Variants in PARP6 observed in about 807,000 individuals in gnomAD.
PARP6 encodes the protein protein mono-ADP-ribosyltransferase PARP6.
In PARP6, 27 loss-of-function variants were observed where a neutral mutation model predicts 92.0. The ratio of observed to expected loss-of-function variants is 0.29; its 90% CI spans 0.22 to 0.40. The LOEUF (loss-of-function observed/expected upper bound fraction) is 0.40. PARP6 is among the 10% of genes least tolerant of loss of function. The probability of loss-of-function intolerance (pLI) is 1.00; values close to 1 mark genes in which losing one functional copy is unlikely to be tolerated. For missense variants in PARP6, 501 were observed against 784.5 expected (o/e 0.64, Z 4.32); for synonymous variants, 272 against 281.2 (o/e 0.97, Z 0.33).
intron 19 of PARP6, 51 bp downstream of exon 19, chr15:72,249,969 G>C (rs1422485861): frequency 8.3e-7 from 1 of 1,211,256 alleles, no homozygotes; most frequent in Non-Finnish European, 1.2e-6. Context: ...CCACAAAACT[G>C]AGTAGGGAAG....
chr15:72,264,445 C>T, intron 8 of PARP6, 110 bp downstream of exon 8: 1 of 795,132 alleles, frequency 1.3e-6, no homozygotes, highest in South Asian at 1.7e-5. Flanking sequence ...TTCAGAAAGA[C>T]ATTTTTGGAA....
Position 72,266,276 on chromosome 15 carries a change from T to G in PARP6, c.82-285A>C, listed in dbSNP as rs550378437. Among the ~76,000 whole-genome samples, 215 of 152,268 alleles carry G rather than the reference T, an allele frequency of 1.4e-3. 1 individual carries two copies. Among genetic ancestry groups the G allele is most frequent in the Non-Finnish European group, 2.5e-3 (170 of 68,020 alleles). Reference sequence around the variant, plus strand: ...AAATCTCCAGCTTTTCTCTCAGACCTTGACCAGGATACCTTCTATGACAAC... The same window carrying G: ...AAATCTCCAGCTTTTCTCTCAGACCGTGACCAGGATACCTTCTATGACAAC... On this transcript the variant is annotated intron_variant, in intron 4 of 23. Transcript: ENST00000569795.
At chr15:72,256,896 G>C (rs769932761) in intron 13 of PARP6, among the ~76,000 whole-genome samples, 2 of 151,802 alleles carry the variant, frequency 1.3e-5, no homozygotes, top group African/African-American at 4.8e-5. Flanking sequence ...CTTTTTTAAA[G>C]AGACAGGGGC....
In PARP6 at chr15:72,266,699, A is replaced by G. The variant is rs373561875; in HGVS notation, c.81+46T>C. ...TCCTGATGTATCCAAAAAGCAGCACATATCTAGACCATCCAACACGGGGGT... is the reference window on the plus strand; with the variant it reads ...TCCTGATGTATCCAAAAAGCAGCACGTATCTAGACCATCCAACACGGGGGT... On this transcript the variant is annotated intron_variant, in intron 4 of 23. Transcript: ENST00000569795. The G allele has an allele frequency of 7.1e-5, 99 of 1,385,366 alleles. No individual in the cohort carries two copies. The African/African-American group carries it at 1.1e-3, about 15-fold the overall frequency. The allele number at this position is 1,385,366 out of a possible 1,614,324, so 85.8% of individuals were successfully genotyped here. A position where few individuals can be genotyped will look rare whatever the true frequency, so the allele number is the denominator to read the frequency against.
intron 11 of PARP6, 115 bp from the exon 12 acceptor site, chr15:72,258,247 T>C (rs953031344): frequency 1.4e-6 from 1 of 736,588 alleles, no homozygotes; most frequent in Admixed American, 1.9e-5. Context: ...GTGCCTAAGG[T>C]AGGATATATT....
In PARP6 at chr15:72,261,548, G is replaced by A. The variant is rs2085894727; in HGVS notation, c.545+10C>T. On this transcript the variant is annotated intron_variant, in intron 9 of 23. Transcript: ENST00000569795. ...GTGTTTACAGATGATCAGCTTTAGG[G>A]AGCACTTACTTGGGGATGGGTGAAA... 6 of 1,613,464 alleles carry A rather than the reference G, an allele frequency of 3.7e-6. No individual in the cohort carries two copies. The highest frequency in any genetic ancestry group is 1.3e-5 in the African/African-American group (1 of 74,900).
At chr15:72,250,197 T>G in intron 18 of PARP6, 105 bp from the exon 19 acceptor site, 1 of 745,660 alleles carries the variant, frequency 1.3e-6, no homozygotes. Flanking sequence ...GACATGAAGA[T>G]GGACAGGTAC....
chr15:72,251,660 G>C (rs1418148659), intron 16 of PARP6, among the ~76,000 whole-genome samples: 2 of 152,224 alleles, frequency 1.3e-5, no homozygotes, highest in Admixed American at 1.3e-4. Flanking sequence ...TTTAGACTCA[G>C]ATTCAGACCT....
chr15:72,241,576 G>A lies in PARP6; in HGVS notation c.1791-19C>T. The stretch of plus-strand genomic sequence containing the variant: ...CTCATATCTGCCAAAGATAGGGCAA[G>A]TGTGAGCATAAGAGGGAGAACAATA... On this transcript the variant is annotated intron_variant, in intron 23 of 23. Coordinates refer to ENST00000569795, the MANE Select transcript of PARP6 (RefSeq NM_001323532.2). The surrounding 1 kb of genome is among the most constrained non-coding windows in gnomAD (Gnocchi z 4.1). 1.3e-6 allele frequency: 2 copies of A among 1,556,112 alleles called. No individual in the cohort carries two copies. The highest frequency in any genetic ancestry group is 8.9e-7 in the Non-Finnish European group (1 of 1,127,062).
chr15:72,249,697 T>G (rs531968563), intron 19 of PARP6, among the ~76,000 whole-genome samples: 1 of 152,138 alleles, frequency 6.6e-6, no homozygotes, highest in Non-Finnish European at 1.5e-5. Flanking sequence ...GTCTCCCATA[T>G]CTACTCCTTG....
At chr15:72,247,821 T>C (rs2083811884) in intron 20 of PARP6, among the ~76,000 whole-genome samples, 2 of 152,150 alleles carry the variant, frequency 1.3e-5, no homozygotes, top group South Asian at 2.1e-4. Flanking sequence ...CTTGCTTTGT[T>C]GTCTAGGCTG....
chr15:72,256,023 T>A (rs1481518994), intron 14 of PARP6, among the ~76,000 whole-genome samples: 1 of 151,580 alleles, frequency 6.6e-6, no homozygotes, highest in Non-Finnish European at 1.5e-5. Context: ...GGTCTCGATC[T>A]CCTGACCTTG....
At position 72,266,840 on chromosome 15, in the gene PARP6, G is replaced by A; in HGVS notation, c.4-18C>T. 2 of 1,595,556 alleles carry A rather than the reference G, an allele frequency of 1.3e-6. No individual in the cohort carries two copies. Among genetic ancestry groups the A allele is most frequent in the Non-Finnish European group, 1.7e-6 (2 of 1,163,208 alleles). ...TTGATGTCCTAGTGGTGAGAAATAA[G>A]GATATCATGCTTTGTTAGGTCCCTA... On this transcript the variant is annotated intron_variant, in intron 3 of 23. Coordinates refer to ENST00000569795, the MANE Select transcript of PARP6 (RefSeq NM_001323532.2).
At chr15:72,244,604 GAT>G (rs1422503813) in intron 20 of PARP6, 7 of 152,240 alleles carry the variant, frequency 4.6e-5, no homozygotes, top group African/African-American at 1.7e-4. Flanking sequence ...TTAGGCTAAA[GAT>G]AGTGTGAGAA....
intron 9 of PARP6, 90 bp downstream of exon 9, chr15:72,261,468 G>A (rs1370011848): frequency 6.1e-6 from 7 of 1,152,174 alleles, no homozygotes; most frequent in Admixed American, 1.8e-5. Flanking sequence ...TCAGGGAAGA[G>A]AGGGGATAGA....
At chr15:72,249,933 A>G in intron 19 of PARP6, 87 bp downstream of exon 19, 1 of 870,794 alleles carries the variant, frequency 1.1e-6, no homozygotes, top group East Asian at 2.5e-5. Flanking sequence ...CACTGAGGCA[A>G]AAACAGCTTA....
intron 8 of PARP6, among the ~76,000 whole-genome samples, chr15:72,263,740 G>A (rs2086193474): frequency 6.6e-6 from 1 of 152,198 alleles, no homozygotes; most frequent in Middle Eastern, 3.4e-3. Flanking sequence ...ACTAATCATT[G>A]GCTGGGTGCG....
At chr15:72,268,873 A>G (rs141088113) in intron 2 of PARP6, among the ~76,000 whole-genome samples, 1 of 152,320 alleles carries the variant, frequency 6.6e-6, no homozygotes, top group East Asian at 1.9e-4. Context: ...CCTTTCATAC[A>G]CAATTCCCTG....
At position 72,265,430 on chromosome 15, in the gene PARP6, T is replaced by C. The variant is rs2086453278; in HGVS notation, c.220A>G (p.Asn74Asp). ...IDDVDIDLHI[N>D]ISFLDEEVST... ...CCACTTACATCGAGGAAGCTGATGT[T>C]GATGTGGAGGTCAATGTCCACGTCA... The change falls in exon 6 of 24, where the codon AAC (asparagine) becomes GAC (aspartate). Residue 74 changes from asparagine (N) to aspartate (D), a missense_variant. Around this residue, in one of 4 missense-constraint regions of PARP6, gnomAD observed 291 missense variants for 352.0 expected, o/e 0.83. Coordinates refer to ENST00000569795, the MANE Select transcript of PARP6 (RefSeq NM_001323532.2). The C allele has an allele frequency of 5.0e-6, 8 of 1,613,808 alleles. No individual in the cohort carries two copies. Among genetic ancestry groups the C allele is most frequent in the Non-Finnish European group, 6.8e-6 (8 of 1,179,642 alleles).
Sources: gnomAD v4.1 joint callset for allele counts (sites outside exome capture counted in the v4.1 genomes callset) on GRCh38, gnomAD v4.1.1 for gene constraint, gnomAD v4.1.1 regional missense constraint, Gnocchi (gnomAD v3.1) non-coding constraint, MANE v1.5 for transcripts, NCBI Gene and HGNC (gene_info 2026-07-23, HGNC 2026-07-21) for gene names.